EN1: variants seen among roughly 807,000 people sequenced by gnomAD.
The protein encoded by EN1 is engrailed homeobox 1.
In EN1, 8 loss-of-function variants were observed where a neutral mutation model predicts 22.9. The observed-to-expected ratio is 0.35, with a 90% CI of 0.20 to 0.63. The LOEUF (loss-of-function observed/expected upper bound fraction) is 0.63. Ranked by LOEUF, EN1 falls within the 20% of genes least tolerant of loss-of-function variation. The probability of loss-of-function intolerance (pLI) is 0.73; values close to 1 mark genes in which losing one functional copy is unlikely to be tolerated. For synonymous variants in EN1, 287 were observed against 262.5 expected (o/e 1.09, Z -0.90); for missense variants, 521 against 572.1 (o/e 0.91, Z 0.91).
rs1385746220 is a variant in EN1 at position 118,843,215 on chromosome 2, T to G, written c.902A>C (p.Lys301Thr). Residue 301 changes from lysine to threonine, a missense_variant, in exon 2 of 2, where the codon AAG becomes ACG. Lys to Thr is a moderately conservative substitution (Grantham distance 78). Coordinates refer to ENST00000295206, the MANE Select transcript of EN1 (RefSeq NM_001426.4). The part of the protein sequence containing the change: ...TRKLKKKKNE[K>T]EDKRPRTAFT... ...CGCGGTCCGCGGCCGCTTGTCCTCC[T>G]TCTCGTTCTTCTTCTTCTTCAGCTT... The G allele has an allele frequency of 1.3e-5, 19 of 1,494,030 alleles. No individual in the cohort carries two copies. In the East Asian group the frequency reaches 5.3e-4, roughly 42 times the overall value. 92.5% of individuals were successfully genotyped at this position (1,494,030 alleles called of 1,614,324 possible). A position where few individuals can be genotyped will look rare whatever the true frequency, so the allele number is the denominator to read the frequency against.
chr2:118,843,172 C>A lies in EN1; in HGVS notation c.945G>T (p.Leu315=). Residue 315 remains leucine (L), a synonymous_variant, in exon 2 of 2, where the codon CTG becomes CTT. Transcript: ENST00000295206. The part of the protein sequence containing the change: ...RPRTAFTAEQ[L]QRLKAEFQAN... ...CCTGGAACTCCGCCTTGAGTCTCTG[C>A]AGCTGCTCGGCCGTGAACGCGGTCC... The A allele has an allele frequency of 6.2e-7, 1 of 1,607,282 alleles. No homozygotes were observed. The highest frequency in any genetic ancestry group is 8.5e-7 in the Non-Finnish European group (1 of 1,177,014).
rs1322054369 is a variant in EN1, at chr2:118,846,610, G to C, written c.558C>G (p.Ala186=). Residue 186 remains alanine, a synonymous_variant, in exon 1 of 2, where the codon GCC becomes GCG. Coordinates refer to ENST00000295206, the MANE Select transcript of EN1 (RefSeq NM_001426.4). The surrounding 1 kb of genome is among the most constrained non-coding windows in gnomAD (Gnocchi z 5.0). ...NCGPPDGSQP[A]AAGAGASKAG... The stretch of plus-strand genomic sequence containing the variant: ...CTTTAGACGCGCCCGCGCCGGCGGC[G>C]GCTGGCTGGGAGCCGTCGGGTGGGC... 1.3e-5 allele frequency: 19 copies of C among 1,411,072 alleles called. No homozygotes were observed. Among genetic ancestry groups the C allele is most frequent in the Middle Eastern group, 2.5e-4 (1 of 3,934 alleles). 87.4% of individuals were successfully genotyped at this position (1,411,072 alleles called of 1,614,324 possible).
At chr2:118,843,487 G>T (rs914754005) in intron 1 of EN1, among the ~76,000 whole-genome samples, 2 of 152,194 alleles carry the variant, frequency 1.3e-5, no homozygotes, top group Non-Finnish European at 1.5e-5. Flanking sequence ...CCCTTTGGGA[G>T]GGCAAAGGAG....
chr2:118,843,511 C>A (rs1399488353), intron 1 of EN1, among the ~76,000 whole-genome samples: 1 of 152,204 alleles, frequency 6.6e-6, no homozygotes, highest in Non-Finnish European at 1.5e-5. Flanking sequence ...TGAAGGAAAG[C>A]TGGTTGAGGT....
At position 118,846,821 on chromosome 2, in the gene EN1, C is replaced by G; in HGVS notation, c.347G>C (p.Gly116Ala). Reference protein sequence around the residue: ...FIDNILRPDFGCKKEQPPPQL... With the variant: ...FIDNILRPDFACKKEQPPPQL... ...CGGTGGCGGCTGCTCCTTTTTGCAG[C>G]CGAAGTCCGGCCTCAGGATGTTGTC... The change falls in exon 1 of 2, where the codon GGC (glycine) becomes GCC (alanine). Residue 116 changes from glycine (G) to alanine (A), a missense_variant. Physicochemically the swap from Gly to Ala is moderately conservative, Grantham distance 60 (BLOSUM62 0). This residue lies in a region of EN1 where 436 missense variants were observed against 410.1 expected (regional missense o/e 1.06). Coordinates refer to ENST00000295206, the MANE Select transcript of EN1 (RefSeq NM_001426.4). The surrounding 1 kb of genome is among the most constrained non-coding windows in gnomAD (Gnocchi z 5.0). 1 of 1,595,060 alleles carries G rather than the reference C, an allele frequency of 6.3e-7. No individual in the cohort carries two copies. Among genetic ancestry groups the G allele is most frequent in the Non-Finnish European group, 8.5e-7 (1 of 1,176,838 alleles).
Position 118,846,391 on chromosome 2 carries a change from C to T in EN1, c.777G>A (p.Gly259=). Residue 259 remains glycine, a synonymous_variant, in exon 1 of 2, where the codon GGG becomes GGA. Transcript: ENST00000295206. This position sits in a 1 kb window ranked among gnomAD's most constrained non-coding sequence, Gnocchi z 5.0. ...GCTGCGAGTCAGTTTTGACCACGGG[C>T]CCGCCGTTGGCTGAGCCCATAAGTA... ...AILLMGSANG[G]PVVKTDSQQP... The T allele has an allele frequency of 2.5e-6, 4 of 1,613,118 alleles. No homozygotes were observed. The highest frequency in any genetic ancestry group is 3.4e-6 in the Non-Finnish European group (4 of 1,179,840).
intron 1 of EN1, among the ~76,000 whole-genome samples, chr2:118,843,570 C>A (rs1237718829): frequency 6.6e-6 from 1 of 152,150 alleles, no homozygotes; most frequent in Non-Finnish European, 1.5e-5. Context: ...CAGGGACAGA[C>A]CGAAATCACA....
In EN1 at chr2:118,842,643, G is replaced by A. The variant is rs1278035015; in HGVS notation, c.*295C>T. On this transcript the variant is annotated 3_prime_UTR_variant, in exon 2 of 2. Transcript: ENST00000295206. ...CTTACCTGAAATTAAATATATACAAGGTCGTAAGCGGTTTGGCTAGATAGA... is the reference window on the plus strand; with the variant it reads ...CTTACCTGAAATTAAATATATACAAAGTCGTAAGCGGTTTGGCTAGATAGA... 1 of 303,130 alleles carries A rather than the reference G, an allele frequency of 3.3e-6. No individual in the cohort carries two copies. Among genetic ancestry groups the A allele is most frequent in the Non-Finnish European group, 6.1e-6 (1 of 165,278 alleles). The allele number at this position is 303,130 out of a possible 1,614,324, so 18.8% of individuals were successfully genotyped here. A position where few individuals can be genotyped will look rare whatever the true frequency, so the allele number is the denominator to read the frequency against.
chr2:118,843,203 C>T lies in EN1; in HGVS notation c.914G>A (p.Arg305Gln). 1 of 1,549,276 alleles carries T rather than the reference C, an allele frequency of 6.5e-7. No homozygotes were observed. The highest frequency in any genetic ancestry group is 8.7e-7 in the Non-Finnish European group (1 of 1,143,082). Reference protein sequence around the residue: ...KKKKNEKEDKRPRTAFTAEQL... With the variant: ...KKKKNEKEDKQPRTAFTAEQL... ...CTCGGCCGTGAACGCGGTCCGCGGC[C>T]GCTTGTCCTCCTTCTCGTTCTTCTT... is the stretch of plus-strand genomic sequence containing the variant. The change falls in exon 2 of 2, where the codon CGG becomes CAG. Residue 305 changes from arginine (R) to glutamine (Q), a missense_variant. Physicochemically the swap from Arg to Gln is conservative, Grantham distance 43. Transcript: ENST00000295206.
Position 118,846,930 on chromosome 2 carries a change from G to A in EN1, c.238C>T (p.Pro80Ser), listed in dbSNP as rs1289393469. The change falls in exon 1 of 2, where the codon CCC becomes TCC. Residue 80 changes from proline (P) to serine (S), a missense_variant. Around this residue, in one of 3 missense-constraint regions of EN1, gnomAD observed 436 missense variants for 410.1 expected, o/e 1.06. Coordinates refer to ENST00000295206, the MANE Select transcript of EN1 (RefSeq NM_001426.4). This position sits in a 1 kb window ranked among gnomAD's most constrained non-coding sequence, Gnocchi z 5.0. Reference sequence around the variant, plus strand: ...GCCGCGAGATGCTGAGGCGGCGGGGGCGGGGGGTGTGGGGGGAGGTGCGGG... The same window carrying A: ...GCCGCGAGATGCTGAGGCGGCGGGGACGGGGGGTGTGGGGGGAGGTGCGGG... The part of the protein sequence containing the change: ...HHPHLPPHPP[P>S]PPPQHLAAPA... 6.5e-7 allele frequency: 1 copy of A among 1,531,804 alleles called. No individual in the cohort carries two copies. The highest frequency in any genetic ancestry group is 1.2e-5 in the South Asian group (1 of 84,042). The allele number at this position is 1,531,804 out of a possible 1,614,324, so 94.9% of individuals were successfully genotyped here.
Position 118,847,302 on chromosome 2 carries a change from C to T in EN1, c.-135G>A. The T allele has an allele frequency of 2.5e-6, 1 of 405,672 alleles. No homozygotes were observed. The highest frequency in any genetic ancestry group is 4.3e-6 in the Non-Finnish European group (1 of 231,872). 25.1% of individuals were successfully genotyped at this position (405,672 alleles called of 1,614,324 possible). A position where few individuals can be genotyped will look rare whatever the true frequency, so the allele number is the denominator to read the frequency against. ...GCGAAGCCTCAGCGAAGGCACGGGG[C>T]GGGTGCAGGAAAAAAGCTCAGGCGT... is the stretch of plus-strand genomic sequence containing the variant. On this transcript the variant is annotated 5_prime_UTR_variant, in exon 1 of 2. Coordinates refer to ENST00000295206, the MANE Select transcript of EN1 (RefSeq NM_001426.4).
intron 1 of EN1, among the ~76,000 whole-genome samples, chr2:118,845,840 T>A (rs1047737635): frequency 1.3e-5 from 2 of 152,222 alleles, no homozygotes; most frequent in South Asian, 2.1e-4. Context: ...AGATGGTGTT[T>A]GTGTCTGTAA....
chr2:118,847,174 C>T lies in EN1; in HGVS notation c.-7G>A. On this transcript the variant is annotated 5_prime_UTR_variant, in exon 1 of 2. Coordinates refer to ENST00000295206, the MANE Select transcript of EN1 (RefSeq NM_001426.4). Reference sequence around the variant, plus strand: ...CCGGCTGCTGTTCTTCCATGCTCGGCCGCCCCGCCGCCCCGGCCGCCGCGC... The same window carrying T: ...CCGGCTGCTGTTCTTCCATGCTCGGTCGCCCCGCCGCCCCGGCCGCCGCGC... 1 of 841,642 alleles carries T rather than the reference C, an allele frequency of 1.2e-6. No individual in the cohort carries two copies. The highest frequency in any genetic ancestry group is 1.7e-6 in the Non-Finnish European group (1 of 599,394). 52.1% of individuals were successfully genotyped at this position (841,642 alleles called of 1,614,324 possible). A position where few individuals can be genotyped will look rare whatever the true frequency, so the allele number is the denominator to read the frequency against.
chr2:118,842,688 T>G lies in EN1; in HGVS notation c.*250A>C. On this transcript the variant is annotated 3_prime_UTR_variant, in exon 2 of 2. Coordinates refer to ENST00000295206, the MANE Select transcript of EN1 (RefSeq NM_001426.4). ...GATAGAGCTTTAAGGAGTTCGCAGT[T>G]TCGTCCCTTATACTGGGAATAGAGA... 1 of 600,300 alleles carries G rather than the reference T, an allele frequency of 1.7e-6. No individual in the cohort carries two copies. Among genetic ancestry groups the G allele is most frequent in the Non-Finnish European group, 2.6e-6 (1 of 378,264 alleles). 37.2% of individuals were successfully genotyped at this position (600,300 alleles called of 1,614,324 possible). A position where few individuals can be genotyped will look rare whatever the true frequency, so the allele number is the denominator to read the frequency against.
chr2:118,844,729 G>A (rs1397724900), intron 1 of EN1, among the ~76,000 whole-genome samples: 5 of 152,224 alleles, frequency 3.3e-5, no homozygotes, highest in Non-Finnish European at 7.3e-5. Flanking sequence ...CTATGACAAA[G>A]AGTCCAGGCC....
Position 118,846,706 on chromosome 2 carries a change from G to T in EN1, c.462C>A (p.Asp154Glu). Residue 154 changes from aspartate to glutamate, a missense_variant, in exon 1 of 2, where the codon GAC (aspartate) becomes GAA (glutamate). Coordinates refer to ENST00000295206, the MANE Select transcript of EN1 (RefSeq NM_001426.4). The surrounding 1 kb of genome is among the most constrained non-coding windows in gnomAD (Gnocchi z 5.0). ...CCCGGGTGCCCAACGGGTGGACAGG[G>T]TCTCTACCTGCGGCAGTCTGGCCTC... ...RDRGQTAAGR[D>E]PVHPLGTRAP... is the part of the protein sequence containing the mutation. 2 of 1,591,062 alleles carry T rather than the reference G, an allele frequency of 1.3e-6. No individual in the cohort carries two copies. Among genetic ancestry groups the T allele is most frequent in the South Asian group, 2.2e-5 (2 of 89,592 alleles).
chr2:118,843,896 TCC>T (rs1678229927), intron 1 of EN1: 1 of 145,730 alleles, frequency 6.9e-6, no homozygotes, highest in Non-Finnish European at 1.5e-5. Context: ...TCTGCCCCCC[TCC>T]CCGCACCCCT....
chr2:118,846,464 G>T lies in EN1; in HGVS notation c.704C>A (p.Pro235His). The change falls in exon 1 of 2, where the codon CCC (proline) becomes CAC (histidine). Residue 235 changes from proline to histidine, a missense_variant. This residue lies in a region of EN1 where 436 missense variants were observed against 410.1 expected (regional missense o/e 1.06). Coordinates refer to ENST00000295206, the MANE Select transcript of EN1 (RefSeq NM_001426.4). The surrounding 1 kb of genome is among the most constrained non-coding windows in gnomAD (Gnocchi z 5.0). ...CGGGTATTTGGTGCCCTGCGCTCCG[G>T]GGCTCCCCGCGCCGCCTCCACTGCC... is the stretch of plus-strand genomic sequence containing the variant. ...GGGSGGGAGS[P>H]GAQGTKYPEH... is the part of the protein sequence containing the mutation. 6.2e-7 allele frequency: 1 copy of T among 1,604,394 alleles called. No homozygotes were observed. Among genetic ancestry groups the T allele is most frequent in the South Asian group, 1.1e-5 (1 of 89,994 alleles).
Position 118,846,201 on chromosome 2 carries a change from T to A in EN1, c.862+105A>T. The A allele has an allele frequency of 6.7e-7, 1 of 1,492,172 alleles. No individual in the cohort carries two copies. Among genetic ancestry groups the A allele is most frequent in the Non-Finnish European group, 9.0e-7 (1 of 1,115,660 alleles). The allele number at this position is 1,492,172 out of a possible 1,614,324, so 92.4% of individuals were successfully genotyped here. ...GGGTGAGGAAGCAGGCGTGAGAGAC[T>A]GGAGTACCCGAGGCCGGGTTTGCTC... On this transcript the variant is annotated intron_variant, in intron 1 of 1. Coordinates refer to ENST00000295206, the MANE Select transcript of EN1 (RefSeq NM_001426.4). The surrounding 1 kb of genome is among the most constrained non-coding windows in gnomAD (Gnocchi z 5.0).
Sources: gnomAD v4.1 joint callset for allele counts (sites outside exome capture counted in the v4.1 genomes callset) on GRCh38, gnomAD v4.1.1 for gene constraint, gnomAD v4.1.1 regional missense constraint, Gnocchi (gnomAD v3.1) non-coding constraint, MANE v1.5 for transcripts, NCBI Gene and HGNC (gene_info 2026-07-23, HGNC 2026-07-21) for gene names.